Variants in CNNM2 observed in about 807,000 individuals in gnomAD.
The protein encoded by CNNM2 is cyclin and CBS domain divalent metal cation transport mediator 2.
In CNNM2, 12 loss-of-function variants were observed where a neutral mutation model predicts 66.9. The observed-to-expected ratio is 0.18, with a 90% CI of 0.11 to 0.29. The LOEUF (loss-of-function observed/expected upper bound fraction) is 0.29, where lower values mean the gene tolerates loss of function less well. Among genes scored for constraint, CNNM2 ranks in the 10% least tolerant of loss-of-function variants. CNNM2 has a pLI of 1.00. For missense variants in CNNM2, 705 were observed against 1,167.7 expected, an observed-to-expected ratio of 0.60 and a Z score of 5.77; for synonymous variants, 557 against 501.8, an observed-to-expected ratio of 1.11 and a Z score of -1.47.
intron 1 of CNNM2, among the ~76,000 whole-genome samples, chr10:103,045,293 A>C (rs926062402): frequency 1.3e-5 from 2 of 152,160 alleles, no homozygotes; most frequent in Admixed American, 1.3e-4. Context: ...TCATTCTTTG[A>C]GCGTGAGCAT....
At chr10:102,932,226 A>C (rs1164957895) in intron 1 of CNNM2, among the ~76,000 whole-genome samples, 1 of 147,958 alleles carries the variant, frequency 6.8e-6, no homozygotes, top group African/African-American at 2.5e-5. Flanking sequence ...TTTTTAACTC[A>C]TTTTTTGAGC....
At position 102,919,058 on chromosome 10, in the gene CNNM2, C is replaced by T; in HGVS notation, c.578C>T (p.Thr193Met). 6.2e-7 allele frequency: 1 copy of T among 1,612,316 alleles called. No homozygotes were observed. ...AAGAGCAAGTCCTATTACCTGTGCA[C>T]GTCGCTCTCCACGCCCGCCCTGGGC... ...MEKSKSYYLCTSLSTPALGAG... is the reference protein window; with the variant it reads ...MEKSKSYYLCMSLSTPALGAG... The change falls in exon 1 of 8, where the codon ACG (threonine) becomes ATG (methionine). Residue 193 changes from threonine to methionine, a missense_variant. This residue lies in a region of CNNM2 where 100 missense variants were observed against 151.9 expected (regional missense o/e 0.66). Coordinates refer to ENST00000369878, the MANE Select transcript of CNNM2 (RefSeq NM_017649.5).
chr10:103,045,419 A>G (rs1428563540), intron 1 of CNNM2, among the ~76,000 whole-genome samples: 1 of 152,182 alleles, frequency 6.6e-6, no homozygotes, highest in Non-Finnish European at 1.5e-5. Context: ...TTAGACTGCC[A>G]AGTTAAGAAA....
chr10:102,918,595 G>A lies in CNNM2; in HGVS notation c.115G>A (p.Gly39Arg), dbSNP rs765571636. The change falls in exon 1 of 8, where the codon GGG (glycine) becomes AGG (arginine). Residue 39 changes from glycine (G) to arginine (R), a missense_variant. This residue lies in a region of CNNM2 where 98 missense variants were observed against 73.6 expected (regional missense o/e 1.33). Transcript: ENST00000369878. The surrounding 1 kb of genome is among the most constrained non-coding windows in gnomAD (Gnocchi z 4.1). Reference sequence around the variant, plus strand: ...CCGCAGCCTCAGCGCTCGCGGCCGGGGGATCCTGCAGGCGGCTGCGGGGCG... The same window carrying A: ...CCGCAGCCTCAGCGCTCGCGGCCGGAGGATCCTGCAGGCGGCTGCGGGGCG... ...ARRSLSARGR[G>R]ILQAAAGRLL... 27 of 1,565,588 alleles carry A rather than the reference G, an allele frequency of 1.7e-5. No homozygotes were observed. The African/African-American group carries it at 2.6e-4, about 15-fold the overall frequency.
At chr10:102,976,609 TAA>T (rs2063635211) in intron 1 of CNNM2, among the ~76,000 whole-genome samples, 1 of 102,146 alleles carries the variant, frequency 9.8e-6, no homozygotes. Context: ...CACGCCCAGG[TAA>T]TTTTTTTTTT....
intron 3 of CNNM2, among the ~76,000 whole-genome samples, chr10:103,056,391 G>C (rs916460758): frequency 2.0e-5 from 3 of 152,142 alleles, no homozygotes; most frequent in African/African-American, 7.2e-5. Context: ...GTGTGTGTGC[G>C]CTGGCACTAA....
At position 103,090,078 on chromosome 10, in the gene CNNM2, CCT is replaced by C; in HGVS notation, c.*12904_*12905del. 2.0e-6 allele frequency: 1 copy of C among 501,726 alleles called. No homozygotes were observed. 31.1% of individuals were successfully genotyped at this position (501,726 alleles called of 1,614,324 possible). Reference sequence around the variant, plus strand: ...AGAACTACTTATAGTTGCCTGTCTTCCTCTCTCCCTGCCCCTCAAAATGGTGC... The same window carrying C: ...AGAACTACTTATAGTTGCCTGTCTTCCTCTCCCTGCCCCTCAAAATGGTGC... On this transcript the variant is annotated 3_prime_UTR_variant, in exon 8 of 8. Coordinates refer to ENST00000369878, the MANE Select transcript of CNNM2 (RefSeq NM_017649.5).
intron 1 of CNNM2, among the ~76,000 whole-genome samples, chr10:102,970,635 G>T (rs2063532986): frequency 6.6e-6 from 1 of 152,144 alleles, no homozygotes; most frequent in Non-Finnish European, 1.5e-5. Context: ...TCACAATGTT[G>T]CCCAGGCTGA....
chr10:102,918,753 G>A lies in CNNM2; in HGVS notation c.273G>A (p.Gly91=), dbSNP rs764090074. ...DTNDVSFMEG[G]ALRVSERTRV... Reference sequence around the variant, plus strand: ...ACGACGTGTCGTTCATGGAAGGGGGGGCGCTGCGGGTGAGCGAACGGACCC... The same window carrying A: ...ACGACGTGTCGTTCATGGAAGGGGGAGCGCTGCGGGTGAGCGAACGGACCC... The change falls in exon 1 of 8, where the codon GGG becomes GGA. Residue 91 remains glycine (G), a synonymous_variant. Coordinates refer to ENST00000369878, the MANE Select transcript of CNNM2 (RefSeq NM_017649.5). The surrounding 1 kb of genome is among the most constrained non-coding windows in gnomAD (Gnocchi z 4.1). The A allele has an allele frequency of 4.4e-6, 7 of 1,591,750 alleles. No homozygotes were observed. Among genetic ancestry groups the A allele is most frequent in the Non-Finnish European group, 6.0e-6 (7 of 1,170,124 alleles).
At position 103,085,699 on chromosome 10, in the gene CNNM2, C is replaced by T. The variant is rs541815720; in HGVS notation, c.*8519C>T. On this transcript the variant is annotated 3_prime_UTR_variant, in exon 8 of 8. Transcript: ENST00000369878. ...AATTGGAAAACATAGATTCCTCATCCTTAAACAGAGTCAGCAAGTTTGAGA... is the reference window on the plus strand; with the variant it reads ...AATTGGAAAACATAGATTCCTCATCTTTAAACAGAGTCAGCAAGTTTGAGA... The T allele has an allele frequency of 9.2e-5, 14 of 152,288 alleles. No homozygotes were observed. Among genetic ancestry groups the T allele is most frequent in the African/African-American group, 3.4e-4 (14 of 41,548 alleles). The allele number at this position is 152,288 out of a possible 1,614,324, so 9.4% of individuals were successfully genotyped here. A position where few individuals can be genotyped will look rare whatever the true frequency, so the allele number is the denominator to read the frequency against.
rs1004886122 is a variant in CNNM2, at chr10:102,918,463, A to T, written c.-18A>T. ...CGCCGGGTTGAAAGGATGAAGCCGC[A>T]GCTGGAGCAGCCACCCTATGATTGG... On this transcript the variant is annotated 5_prime_UTR_variant, in exon 1 of 8. Coordinates refer to ENST00000369878, the MANE Select transcript of CNNM2 (RefSeq NM_017649.5). The surrounding 1 kb of genome is among the most constrained non-coding windows in gnomAD (Gnocchi z 4.1). The T allele has an allele frequency of 1.3e-6, 2 of 1,599,420 alleles. No homozygotes were observed. The highest frequency in any genetic ancestry group is 1.7e-6 in the Non-Finnish European group (2 of 1,176,042).
chr10:103,082,001 T>A lies in CNNM2; in HGVS notation c.*4821T>A, dbSNP rs2065762255. 6.6e-6 allele frequency: 1 copy of A among 152,254 alleles called. No individual in the cohort carries two copies. Among genetic ancestry groups the A allele is most frequent in the South Asian group, 2.1e-4 (1 of 4,836 alleles). The allele number at this position is 152,254 out of a possible 1,614,324, so 9.4% of individuals were successfully genotyped here. On this transcript the variant is annotated 3_prime_UTR_variant, in exon 8 of 8. Coordinates refer to ENST00000369878, the MANE Select transcript of CNNM2 (RefSeq NM_017649.5). ...TAGAATTGTTTTAAATATCTTTTGA[T>A]GGGAAATACCAGGTTGAACTTCAAG...
At chr10:102,990,758 T>C (rs1472793320) in intron 1 of CNNM2, among the ~76,000 whole-genome samples, 1 of 152,238 alleles carries the variant, frequency 6.6e-6, no homozygotes, top group African/African-American at 2.4e-5. Flanking sequence ...TCTTGCATTT[T>C]GTTCTTTGAG....
At chr10:102,981,312 T>C (rs2063715811) in intron 1 of CNNM2, among the ~76,000 whole-genome samples, 1 of 151,932 alleles carries the variant, frequency 6.6e-6, no homozygotes, top group Admixed American at 6.6e-5. Context: ...ATCATGCCAG[T>C]GTACTTCAGC....
At chr10:102,982,224 G>A (rs1024387653) in intron 1 of CNNM2, among the ~76,000 whole-genome samples, 3 of 152,034 alleles carry the variant, frequency 2.0e-5, no homozygotes, top group Non-Finnish European at 4.4e-5. Context: ...CTCACTATTA[G>A]CACTTGGTTA....
intron 1 of CNNM2, among the ~76,000 whole-genome samples, chr10:102,987,413 C>T (rs912166875): frequency 2.0e-5 from 3 of 152,204 alleles, no homozygotes; most frequent in African/African-American, 7.2e-5. Flanking sequence ...CTCCGCCTCC[C>T]AGGTTCACGC....
At chr10:102,989,120 A>G (rs576023770) in intron 1 of CNNM2, among the ~76,000 whole-genome samples, 2 of 152,316 alleles carry the variant, frequency 1.3e-5, no homozygotes, top group African/African-American at 4.8e-5. Flanking sequence ...AGTTCTGTGC[A>G]AACAGGAACA....
chr10:102,953,582 T>C (rs1013457116), intron 1 of CNNM2, among the ~76,000 whole-genome samples: 1 of 148,222 alleles, frequency 6.7e-6, no homozygotes, highest in Admixed American at 6.8e-5. Flanking sequence ...TTTTTAAAGA[T>C]GAGATCTCAT....
Position 103,084,706 on chromosome 10 carries a change from C to T in CNNM2, c.*7526C>T, listed in dbSNP as rs1009246831. 3.3e-5 allele frequency: 5 copies of T among 152,136 alleles called. No individual in the cohort carries two copies. Among genetic ancestry groups the T allele is most frequent in the African/African-American group, 9.7e-5 (4 of 41,418 alleles). 9.4% of individuals were successfully genotyped at this position (152,136 alleles called of 1,614,324 possible). On this transcript the variant is annotated 3_prime_UTR_variant, in exon 8 of 8. Coordinates refer to ENST00000369878, the MANE Select transcript of CNNM2 (RefSeq NM_017649.5). Reference sequence around the variant, plus strand: ...ACATCCGCTCATTTCTAAGCTTTATCGTGATGCACCCGGGGTTTCTATTTC... The same window carrying T: ...ACATCCGCTCATTTCTAAGCTTTATTGTGATGCACCCGGGGTTTCTATTTC...
Sources: allele counts gnomAD v4.1 joint callset (sites outside exome capture counted in the v4.1 genomes callset), GRCh38; gene constraint gnomAD v4.1.1; regional missense constraint gnomAD v4.1.1; non-coding constraint Gnocchi (gnomAD v3.1); transcripts MANE v1.5; gene names NCBI Gene and HGNC (gene_info 2026-07-23, HGNC 2026-07-21).